TIAM1: variants seen among roughly 807,000 people sequenced by gnomAD.
TIAM1 encodes TIAM Rac1 associated GEF 1.
In TIAM1, 65 loss-of-function variants were observed where a neutral mutation model predicts 163.5. The observed-to-expected ratio is 0.40, with a 90% CI of 0.33 to 0.49. The LOEUF (loss-of-function observed/expected upper bound fraction) is 0.49. TIAM1 is among the 20% of genes least tolerant of loss of function. The probability of loss-of-function intolerance (pLI) is 0.77; values close to 1 mark genes in which losing one functional copy is unlikely to be tolerated. For synonymous variants in TIAM1, 833 were observed against 810.1 expected (o/e 1.03, Z -0.48); for missense variants, 1,789 against 2,044.7 (o/e 0.87, Z 2.41).
At chr21:31,495,490 G>A (rs1052348495) in intron 1 of TIAM1, among the ~76,000 whole-genome samples, 2 of 152,114 alleles carry the variant, frequency 1.3e-5, no homozygotes, top group African/African-American at 2.4e-5. Context: ...CACGACAGAG[G>A]AGCCTCCACG....
chr21:31,309,030 C>G (rs1052687368), intron 2 of TIAM1, among the ~76,000 whole-genome samples: 7 of 152,118 alleles, frequency 4.6e-5, no homozygotes, highest in Non-Finnish European at 7.4e-5. Flanking sequence ...GCTCAATGAC[C>G]TCCACCTCAC....
At chr21:31,366,622 G>C (rs1336252441) in intron 2 of TIAM1, among the ~76,000 whole-genome samples, 7 of 152,050 alleles carry the variant, frequency 4.6e-5, no homozygotes, top group Admixed American at 2.6e-4. Flanking sequence ...GATGCTCAGG[G>C]GCTTTCTTTT....
At chr21:31,131,046 A>G in intron 23 of TIAM1, 98 bp from the exon 24 acceptor site, 1 of 961,066 alleles carries the variant, frequency 1.0e-6, no homozygotes, top group Non-Finnish European at 1.6e-6. Context: ...AGTTATGAAG[A>G]GGACGTTGAG....
intron 1 of TIAM1, among the ~76,000 whole-genome samples, chr21:31,539,780 G>A (rs530356848): frequency 2.6e-5 from 4 of 152,254 alleles, no homozygotes; most frequent in African/African-American, 7.2e-5. Context: ...GGATTTCATC[G>A]CACCCAGGTT....
chr21:31,300,616 C>A (rs2074460502), intron 2 of TIAM1, among the ~76,000 whole-genome samples: 1 of 152,204 alleles, frequency 6.6e-6, no homozygotes, highest in Non-Finnish European at 1.5e-5. Flanking sequence ...TACATCAATT[C>A]TCTAGCTTCT....
chr21:31,130,959 TA>T lies in TIAM1; in HGVS notation c.3884-12del. On this transcript the variant is annotated splice_polypyrimidine_tract_variant and intron_variant, in intron 23 of 27. Coordinates refer to ENST00000541036, the MANE Select transcript of TIAM1 (RefSeq NM_001353694.2). ...CAGCAGTTTTGAAGACTGGAAAAAA[TA>T]AAATAAAGACAGTTATGGTATGTCA... The T allele has an allele frequency of 4.3e-6, 7 of 1,612,438 alleles. No homozygotes were observed. The highest frequency in any genetic ancestry group is 5.9e-6 in the Non-Finnish European group (7 of 1,179,174).
In TIAM1 at chr21:31,210,774, GAAAGAAAGAA is replaced by G. The variant is rs1569034567; in HGVS notation, c.2218-569_2218-560del. 5.5e-4 allele frequency among the ~76,000 whole-genome samples: 77 copies of G among 140,594 alleles called. 5 individuals carry two copies. The highest frequency in any genetic ancestry group is 2.3e-3 in the African/African-American group (73 of 32,290). 92.2% of individuals were successfully genotyped at this position (140,594 alleles called of 152,430 possible). A position where few individuals can be genotyped will look rare whatever the true frequency, so the allele number is the denominator to read the frequency against. ...AGAAAGAAAGAAAGAAAGAAAGAAA[GAAAGAAAGAA>G]AGAAAGAAAGAAAGAAAGAAAGAAA... On this transcript the variant is annotated intron_variant, in intron 10 of 27. Transcript: ENST00000541036.
chr21:31,488,246 T>G (rs2046343437), intron 1 of TIAM1, among the ~76,000 whole-genome samples: 1 of 152,164 alleles, frequency 6.6e-6, no homozygotes, highest in Non-Finnish European at 1.5e-5. Context: ...TTACAATTGG[T>G]CCTCATAGCT....
At chr21:31,295,240 G>A (rs1234753873) in intron 2 of TIAM1, among the ~76,000 whole-genome samples, 1 of 152,120 alleles carries the variant, frequency 6.6e-6, no homozygotes, top group South Asian at 2.1e-4. Context: ...GGAGGCCAAG[G>A]CGGGCGGATC....
chr21:31,235,212 A>G (rs975385308), intron 6 of TIAM1, among the ~76,000 whole-genome samples: 6 of 152,198 alleles, frequency 3.9e-5, no homozygotes, highest in African/African-American at 1.4e-4. Context: ...GATTTAGAAA[A>G]TATCACTGCC....
chr21:31,330,886 T>C (rs1029262199), intron 2 of TIAM1, among the ~76,000 whole-genome samples: 20 of 151,772 alleles, frequency 1.3e-4, no homozygotes, highest in African/African-American at 3.4e-4. Flanking sequence ...TATATACACA[T>C]GCATCCATTT....
chr21:31,156,556 A>T (rs1754210820), intron 16 of TIAM1, among the ~76,000 whole-genome samples: 1 of 152,242 alleles, frequency 6.6e-6, no homozygotes, highest in Non-Finnish European at 1.5e-5. Context: ...GTTAGCTAGA[A>T]TTTCACTAAC....
chr21:31,424,320 G>T (rs556782466), intron 2 of TIAM1, among the ~76,000 whole-genome samples: 1 of 152,278 alleles, frequency 6.6e-6, no homozygotes, highest in African/African-American at 2.4e-5. Flanking sequence ...GCCAGTGTGA[G>T]GAAGCTTAAG....
At chr21:31,123,889 C>T (rs2082088898) in intron 27 of TIAM1, 1 of 152,186 alleles carries the variant, frequency 6.6e-6, no homozygotes, top group Admixed American at 6.5e-5. Flanking sequence ...TTAAGTCCTA[C>T]AAGAATATTT....
intron 1 of TIAM1, among the ~76,000 whole-genome samples, chr21:31,507,360 A>G (rs975689909): frequency 6.6e-6 from 1 of 151,256 alleles, no homozygotes; most frequent in Non-Finnish European, 1.5e-5. Context: ...ACCTGCCACC[A>G]TGCCCCGCTA....
intron 2 of TIAM1, among the ~76,000 whole-genome samples, chr21:31,374,385 C>G (rs2076650456): frequency 6.6e-6 from 1 of 152,210 alleles, no homozygotes; most frequent in South Asian, 2.1e-4. Flanking sequence ...CTCCGGCTCC[C>G]TTTCCTTCTC....
chr21:31,120,412 G>A lies in TIAM1; in HGVS notation c.4732C>T (p.Arg1578Cys), dbSNP rs769324195. 90 of 1,613,736 alleles carry A rather than the reference G, an allele frequency of 5.6e-5. 1 individual carries two copies. The highest frequency in any genetic ancestry group is 4.9e-4 in the Middle Eastern group (3 of 6,080). ...TTCCTGGAGGGGGCAAAGTCTTCAC[G>A]CCTAACCCAAATGACTTCCTCGCTT... ...SASEEVIWVR[R>C]EDFAPSRKLN... is the part of the protein sequence containing the mutation. Residue 1578 changes from arginine (R) to cysteine (C), a missense_variant, in exon 28 of 28, where the codon CGT (arginine) becomes TGT (cysteine). This residue lies in a region of TIAM1 where 415 missense variants were observed against 439.2 expected (regional missense o/e 0.94). Transcript: ENST00000541036. The surrounding 1 kb of genome is among the most constrained non-coding windows in gnomAD (Gnocchi z 4.2).
chr21:31,554,125 T>C (rs1415834350), intron 1 of TIAM1, among the ~76,000 whole-genome samples: 4 of 152,152 alleles, frequency 2.6e-5, no homozygotes, highest in Non-Finnish European at 4.4e-5. Context: ...CCAGGATTTT[T>C]TGGCAGGATA....
At chr21:31,194,784 C>T (rs1038200955) in intron 13 of TIAM1, among the ~76,000 whole-genome samples, 1 of 152,194 alleles carries the variant, frequency 6.6e-6, no homozygotes, top group African/African-American at 2.4e-5. Flanking sequence ...GTTAAACAAT[C>T]AGTTTTCTTC....
Sources: gnomAD v4.1 joint callset for allele counts (sites outside exome capture counted in the v4.1 genomes callset) on GRCh38, gnomAD v4.1.1 for gene constraint, gnomAD v4.1.1 regional missense constraint, Gnocchi (gnomAD v3.1) non-coding constraint, MANE v1.5 for transcripts, NCBI Gene and HGNC (gene_info 2026-07-23, HGNC 2026-07-21) for gene names.